Variants in THOP1 observed in about 807,000 individuals in gnomAD.
THOP1 encodes thimet oligopeptidase 1.
Under a neutral mutation model 71.8 loss-of-function variants are expected in THOP1, and 49 were observed. That is an observed-to-expected ratio of 0.68 (90% CI 0.54 to 0.87). The LOEUF (loss-of-function observed/expected upper bound fraction) is 0.87, where lower values mean the gene tolerates loss of function less well. Ranked by LOEUF, THOP1 falls within the 40% of genes least tolerant of loss-of-function variation. The probability of loss-of-function intolerance (pLI) is 0.00; values close to 1 mark genes in which losing one functional copy is unlikely to be tolerated. For missense variants in THOP1, 843 were observed against 975.6 expected (o/e 0.86, Z 1.81); for synonymous variants, 426 against 421.5 (o/e 1.01, Z -0.13).
chr19:2,794,596 G>A (rs988244156), intron 2 of THOP1, among the ~76,000 whole-genome samples, 168 bp from the exon 3 acceptor site: 2 of 152,174 alleles, frequency 1.3e-5, no homozygotes, highest in African/African-American at 4.8e-5. Flanking sequence ...GCCCAGCCTG[G>A]AGGGGACGGT....
At chr19:2,810,234 C>T in intron 9 of THOP1, 70 bp from the exon 10 acceptor site, 1 of 1,542,166 alleles carries the variant, frequency 6.5e-7, no homozygotes. Flanking sequence ...TGGCAGCTGA[C>T]ACGGGCCAGG....
intron 1 of THOP1, among the ~76,000 whole-genome samples, chr19:2,789,432 A>G (rs1915826954): frequency 6.6e-6 from 1 of 152,150 alleles, no homozygotes; most frequent in Non-Finnish European, 1.5e-5. Flanking sequence ...CCCGTTTCTC[A>G]GAGAGGCCCT....
At chr19:2,809,975 G>A (rs780997586) in intron 9 of THOP1, 16 of 394,934 alleles carry the variant, frequency 4.1e-5, no homozygotes, top group Non-Finnish European at 6.9e-5. Flanking sequence ...GTCCCCACCC[G>A]GACCTGGCCG....
At chr19:2,794,003 CTT>C in intron 2 of THOP1, among the ~76,000 whole-genome samples, 2 of 143,372 alleles carry the variant, frequency 1.4e-5, no homozygotes, top group South Asian at 4.6e-4. Flanking sequence ...CATTTTAAAG[CTT>C]TTTTTTTTTT....
At chr19:2,810,954 C>T (rs545562774) in intron 11 of THOP1, among the ~76,000 whole-genome samples, 186 bp downstream of exon 11, 39 of 152,334 alleles carry the variant, frequency 2.6e-4, no homozygotes, top group African/African-American at 8.2e-4. Flanking sequence ...GGCCCAGGGT[C>T]GGGGACGGGT....
At position 2,804,667 on chromosome 19, in the gene THOP1, C is replaced by T. The variant is rs1340797359; in HGVS notation, c.590-349C>T. On this transcript the variant is annotated intron_variant, in intron 5 of 12. Transcript: ENST00000307741. The surrounding 1 kb of genome is among the most constrained non-coding windows in gnomAD (Gnocchi z 4.7). Reference sequence around the variant, plus strand: ...CCTTCACACATGAGGTTGGTGACGGCGCCCTGGAAGCCCACGATGTCCGGG... The same window carrying T: ...CCTTCACACATGAGGTTGGTGACGGTGCCCTGGAAGCCCACGATGTCCGGG... The T allele has an allele frequency of 1.9e-5, 4 of 206,504 alleles. No individual in the cohort carries two copies. Among genetic ancestry groups the T allele is most frequent in the South Asian group, 1.1e-4 (1 of 9,178 alleles). The allele number at this position is 206,504 out of a possible 1,614,324, so 12.8% of individuals were successfully genotyped here.
intron 9 of THOP1, 84 bp from the exon 10 acceptor site, chr19:2,810,220 A>C: frequency 6.6e-7 from 1 of 1,505,164 alleles, no homozygotes; most frequent in Admixed American, 2.0e-5. Flanking sequence ...CCCTGTTTGC[A>C]CTGTGGCAGC....
Position 2,805,858 on chromosome 19 carries a change from C to T in THOP1, c.750+682C>T, listed in dbSNP as rs1235975053. On this transcript the variant is annotated intron_variant, in intron 6 of 12. Coordinates refer to ENST00000307741, the MANE Select transcript of THOP1 (RefSeq NM_003249.5). This position sits in a 1 kb window ranked among gnomAD's most constrained non-coding sequence, Gnocchi z 6.6. ...GTGCCCATCACTGCGGGGGGACGGG[C>T]GGGTGCCCATCACTGCGGGGGGACG... Among the ~76,000 whole-genome samples the T allele has an allele frequency of 6.0e-5, 8 of 133,470 alleles. No homozygotes were observed. The highest frequency in any genetic ancestry group is 2.6e-4 in the South Asian group (1 of 3,850). The allele number at this position is 133,470 out of a possible 152,430, so 87.6% of individuals were successfully genotyped here.
chr19:2,812,769 C>T (rs939908132), intron 12 of THOP1, among the ~76,000 whole-genome samples: 18 of 152,330 alleles, frequency 1.2e-4, no homozygotes, highest in South Asian at 8.3e-4. Flanking sequence ...GCCTTTAGGG[C>T]GGCCCAGAGC....
intron 2 of THOP1, among the ~76,000 whole-genome samples, chr19:2,791,541 CCT>C (rs1405904210): frequency 1.3e-5 from 2 of 152,188 alleles, no homozygotes; most frequent in African/African-American, 4.8e-5. Context: ...TCCCGCAGCC[CCT>C]GATTGGAATC....
chr19:2,802,107 T>A (rs1254148913), intron 5 of THOP1, among the ~76,000 whole-genome samples: 2 of 142,304 alleles, frequency 1.4e-5, no homozygotes, highest in African/African-American at 2.7e-5. Flanking sequence ...TACCTCTCAA[T>A]ACCACCACCT....
intron 2 of THOP1, among the ~76,000 whole-genome samples, chr19:2,792,992 A>G (rs1340340879): frequency 6.6e-6 from 1 of 152,134 alleles, no homozygotes; most frequent in Non-Finnish European, 1.5e-5. Context: ...CCTGACCAAC[A>G]TCCAGAAACC....
At chr19:2,800,387 T>G (rs1330388705) in intron 5 of THOP1, among the ~76,000 whole-genome samples, 1 of 152,208 alleles carries the variant, frequency 6.6e-6, no homozygotes, top group African/African-American at 2.4e-5. Context: ...TTTCGCCGTG[T>G]TGGCCAGGGT....
intron 9 of THOP1, 138 bp from the exon 10 acceptor site, chr19:2,810,166 T>G: frequency 4.0e-5 from 45 of 1,124,138 alleles, no homozygotes; most frequent in African/African-American, 4.7e-5. Flanking sequence ...GTTTTCCAGT[T>G]TTGGGGTGGG....
Position 2,802,712 on chromosome 19 carries a change from A to C in THOP1, c.590-2304A>C, listed in dbSNP as rs1916183840. ...GTGTCCATCACTCGCACATTGTCAT[A>C]CACTAGTTGCCATGTCCATGGATGA... On this transcript the variant is annotated intron_variant, in intron 5 of 12. Coordinates refer to ENST00000307741, the MANE Select transcript of THOP1 (RefSeq NM_003249.5). Among the ~76,000 whole-genome samples the C allele has an allele frequency of 2.0e-5, 3 of 152,176 alleles. No homozygotes were observed. In the South Asian group the frequency reaches 6.2e-4, roughly 32 times the overall value.
At chr19:2,798,443 C>G (rs1916068709) in intron 4 of THOP1, among the ~76,000 whole-genome samples, 1 of 152,214 alleles carries the variant, frequency 6.6e-6, no homozygotes, top group South Asian at 2.1e-4. Context: ...GCAGAGGCAG[C>G]CCCGCCTGGA....
chr19:2,794,701 A>AACACC (rs370335678), intron 2 of THOP1, 63 bp from the exon 3 acceptor site: 1 of 1,563,496 alleles, frequency 6.4e-7, no homozygotes, highest in African/African-American at 1.3e-5. Flanking sequence ...GGGTCCGGGC[A>AACACC]ACACCTGCCA....
chr19:2,808,765 G>A (rs1401380271), intron 9 of THOP1, among the ~76,000 whole-genome samples: 4 of 152,324 alleles, frequency 2.6e-5, no homozygotes, highest in South Asian at 2.1e-4. Context: ...CCACCTCCCC[G>A]CATCCTCATG....
At chr19:2,810,537 A>G (rs1360728008) in intron 10 of THOP1, 47 bp downstream of exon 10, 1 of 1,529,684 alleles carries the variant, frequency 6.5e-7, no homozygotes, top group East Asian at 2.5e-5. Flanking sequence ...GGGGGGCGGC[A>G]CACAGCTGGG....
Sources: allele counts gnomAD v4.1 joint callset (sites outside exome capture counted in the v4.1 genomes callset), GRCh38; gene constraint gnomAD v4.1.1; non-coding constraint Gnocchi (gnomAD v3.1); transcripts MANE v1.5; gene names NCBI Gene and HGNC (gene_info 2026-07-23, HGNC 2026-07-21).